The following ODAD2 variants were observed in gnomAD, a reference collection of about 807,000 sequenced individuals.
ODAD2 encodes the protein outer dynein arm-docking complex subunit 2.
In ODAD2, 89 loss-of-function variants were observed where a neutral mutation model predicts 106.8. The observed-to-expected ratio is 0.83, with a 90% CI of 0.70 to 0.99. The LOEUF is 0.99. Ranked by LOEUF, ODAD2 falls within the 50% of genes least tolerant of loss-of-function variation. The pLI is 0.00. For missense variants in ODAD2, 1,168 were observed against 1,238.5 expected (o/e 0.94, Z 0.85); for synonymous variants, 404 against 436.2 (o/e 0.93, Z 0.92).
At chr10:27,885,551 T>A (rs1477566175) in intron 17 of ODAD2, among the ~76,000 whole-genome samples, 6 of 14,304 alleles carry the variant, frequency 4.2e-4, no homozygotes, top group African/African-American at 5.5e-4. Flanking sequence ...TATATATAAA[T>A]ATATAAATAT....
Position 27,841,513 on chromosome 10 carries a change from G to A in ODAD2, c.3021+19112C>T, listed in dbSNP as rs376597129. On this transcript the variant is annotated intron_variant, in intron 19 of 19. Coordinates refer to ENST00000305242, the MANE Select transcript of ODAD2 (RefSeq NM_018076.5). ...CAGGTTCAAGCAATTCTCCTGCTTC[G>A]GCCTCCTGAGTAGCTGGGATTACAG... 1.3e-3 allele frequency among the ~76,000 whole-genome samples: 194 copies of A among 151,380 alleles called. 2 individuals carry two copies. The highest frequency in any genetic ancestry group is 0.011 in the East Asian group (57 of 5,132).
At chr10:27,888,800 C>A (rs1259213944) in intron 17 of ODAD2, among the ~76,000 whole-genome samples, 1 of 152,062 alleles carries the variant, frequency 6.6e-6, no homozygotes, top group Non-Finnish European at 1.5e-5. Flanking sequence ...CAAAACTATT[C>A]AATGGGGAAA....
chr10:27,997,768 A>G (rs1274206961), intron 1 of ODAD2, among the ~76,000 whole-genome samples: 3 of 152,238 alleles, frequency 2.0e-5, no homozygotes, highest in Admixed American at 6.5e-5. Context: ...GCATAACTCA[A>G]AACTAAGATT....
chr10:27,923,099 T>G (rs562214069), intron 16 of ODAD2, among the ~76,000 whole-genome samples: 6 of 152,084 alleles, frequency 3.9e-5, no homozygotes, highest in African/African-American at 1.4e-4. Context: ...GAACAAAGAC[T>G]GCAAATCTTA....
At chr10:27,927,721 T>C (rs1278101213) in intron 16 of ODAD2, among the ~76,000 whole-genome samples, 1 of 152,108 alleles carries the variant, frequency 6.6e-6, no homozygotes, top group African/African-American at 2.4e-5. Flanking sequence ...CTGTTTTTTC[T>C]ATAACTCACT....
intron 7 of ODAD2, among the ~76,000 whole-genome samples, chr10:27,974,994 G>A (rs1172047719): frequency 6.6e-6 from 1 of 152,020 alleles, no homozygotes; most frequent in African/African-American, 2.4e-5. Context: ...TGTTCTTTTT[G>A]TGATAATTGT....
In ODAD2 at chr10:27,971,169, T is replaced by C. The variant is rs1440407077; in HGVS notation, c.1081A>G (p.Asn361Asp). 7 of 1,613,980 alleles carry C rather than the reference T, an allele frequency of 4.3e-6. No homozygotes were observed. The highest frequency in any genetic ancestry group is 5.9e-6 in the Non-Finnish European group (7 of 1,179,904). Residue 361 changes from asparagine (N) to aspartate (D), a missense_variant, in exon 8 of 20, where the codon AAT (asparagine) becomes GAT (aspartate). Physicochemically the swap from Asn to Asp is conservative, Grantham distance 23 (BLOSUM62 1). Around this residue, in one of 3 missense-constraint regions of ODAD2, gnomAD observed 430 missense variants for 452.2 expected, o/e 0.95. Transcript: ENST00000305242. ...GGTTCCCATCTCTTGGTCATTTGAT[T>C]CCTCCAAAAATTAATTTGGTTCTTC... ...LEKNQINFWR[N>D]QMTKRWEPSL...
chr10:27,924,008 AAGAAAGAAAGAAAGAAGGAAAG>A (rs1845018733), intron 16 of ODAD2, among the ~76,000 whole-genome samples: 2 of 104,188 alleles, frequency 1.9e-5, no homozygotes, highest in African/African-American at 4.1e-5. Flanking sequence ...GAAAGAAAGA[AAGAAAGAAAGAAAGAAGGAAAG>A]AGAAAGAAAG....
intron 19 of ODAD2, among the ~76,000 whole-genome samples, chr10:27,826,755 C>G (rs1186824575): frequency 6.6e-6 from 1 of 152,074 alleles, no homozygotes; most frequent in African/African-American, 2.4e-5. Flanking sequence ...GGTATTTTCA[C>G]TGCCTCTTTC....
intron 16 of ODAD2, 45 bp from the exon 17 acceptor site, chr10:27,907,822 T>G (rs1589986095): frequency 8.0e-7 from 1 of 1,257,670 alleles, no homozygotes; most frequent in East Asian, 2.3e-5. Context: ...CATTAGTATG[T>G]GAAGACAAAC....
chr10:27,826,570 C>T (rs1303121788), intron 19 of ODAD2, among the ~76,000 whole-genome samples: 2 of 152,116 alleles, frequency 1.3e-5, no homozygotes, highest in South Asian at 2.1e-4. Flanking sequence ...CTCACTGCCA[C>T]CACACGCACA....
At chr10:27,911,330 C>T (rs1384979417) in intron 16 of ODAD2, among the ~76,000 whole-genome samples, 1 of 152,144 alleles carries the variant, frequency 6.6e-6, no homozygotes. Flanking sequence ...TGTCCCTGCT[C>T]TGCACGTGTC....
intron 19 of ODAD2, among the ~76,000 whole-genome samples, chr10:27,858,722 T>G (rs2133302322): frequency 6.6e-6 from 1 of 152,266 alleles, no homozygotes; most frequent in East Asian, 1.9e-4. Flanking sequence ...ATCTATTGGC[T>G]TGCATCAGAA....
chr10:27,967,007 G>A (rs1188067839), intron 9 of ODAD2, among the ~76,000 whole-genome samples: 5 of 148,128 alleles, frequency 3.4e-5, no homozygotes, highest in African/African-American at 1.3e-4. Flanking sequence ...CCTAGACTGG[G>A]TACTGGAAAA....
chr10:27,935,149 C>A lies in ODAD2; in HGVS notation c.2356G>T (p.Glu786Ter). Residue 786 changes from glutamate (E) to a stop codon, truncating the protein, a stop_gained, in exon 16 of 20, where the codon GAA becomes TAA. Coordinates refer to ENST00000305242, the MANE Select transcript of ODAD2 (RefSeq NM_018076.5). LOFTEE classifies it high-confidence loss of function. ...VVGALGECCQ[E>*]RENRVIVRKC... ...CGGACAATGACTCGGTTTTCACGTTCTTGGCAGCATTCTCCCAAGGCCCCA... is the reference window on the plus strand; with the variant it reads ...CGGACAATGACTCGGTTTTCACGTTATTGGCAGCATTCTCCCAAGGCCCCA... 1 of 1,614,022 alleles carries A rather than the reference C, an allele frequency of 6.2e-7. No homozygotes were observed. The highest frequency in any genetic ancestry group is 8.5e-7 in the Non-Finnish European group (1 of 1,179,900).
chr10:27,900,605 A>G (rs533648596), intron 17 of ODAD2, among the ~76,000 whole-genome samples: 1 of 152,328 alleles, frequency 6.6e-6, no homozygotes, highest in South Asian at 2.1e-4. Context: ...TAATCACTTT[A>G]GAGAAGAACA....
intron 16 of ODAD2, among the ~76,000 whole-genome samples, chr10:27,920,557 A>G (rs749209882): frequency 8.5e-5 from 13 of 152,330 alleles, no homozygotes; most frequent in Non-Finnish European, 1.5e-4. Flanking sequence ...AATGATTCAC[A>G]TAATTACTCT....
intron 17 of ODAD2, among the ~76,000 whole-genome samples, chr10:27,865,889 T>G (rs925221736): frequency 1.1e-4 from 16 of 152,200 alleles, no homozygotes; most frequent in African/African-American, 3.9e-4. Context: ...CTGAGAGAAG[T>G]GACAGCAGCA....
intron 17 of ODAD2, among the ~76,000 whole-genome samples, chr10:27,876,245 T>C (rs1841330692): frequency 6.6e-6 from 1 of 152,126 alleles, no homozygotes; most frequent in Non-Finnish European, 1.5e-5. Context: ...ACAGACTGCC[T>C]CCTCAAGTGG....
Sources: gnomAD v4.1 joint callset for allele counts (sites outside exome capture counted in the v4.1 genomes callset) on GRCh38, gnomAD v4.1.1 for gene constraint, gnomAD v4.1.1 regional missense constraint, MANE v1.5 for transcripts, NCBI Gene and HGNC (gene_info 2026-07-23, HGNC 2026-07-21) for gene names.